SHMT1: variants seen among roughly 807,000 people sequenced by gnomAD.
The protein encoded by SHMT1 is serine hydroxymethyltransferase 1.
Under a neutral mutation model 49.0 loss-of-function variants are expected in SHMT1, and 45 were observed. The ratio of observed to expected loss-of-function variants is 0.92; its 90% CI spans 0.72 to 1.18. The LOEUF (loss-of-function observed/expected upper bound fraction) is 1.18, where lower values mean the gene tolerates loss of function less well. SHMT1 is among the 50% of genes most tolerant of loss of function. The probability of loss-of-function intolerance (pLI) is 0.00; values close to 1 mark genes in which losing one functional copy is unlikely to be tolerated. For missense variants in SHMT1, 541 were observed against 612.4 expected, an observed-to-expected ratio of 0.88 and a Z score of 1.23; for synonymous variants, 232 against 246.6, an observed-to-expected ratio of 0.94 and a Z score of 0.55.
chr17:18,342,659 G>A (rs1336143106), intron 5 of SHMT1, among the ~76,000 whole-genome samples: 1 of 152,060 alleles, frequency 6.6e-6, no homozygotes, highest in African/African-American at 2.4e-5. Flanking sequence ...CGAACTGCTG[G>A]GCGTGGTGGC....
intron 2 of SHMT1, among the ~76,000 whole-genome samples, chr17:18,354,256 T>TA (rs1366476712): frequency 6.6e-6 from 1 of 152,054 alleles, no homozygotes; most frequent in Non-Finnish European, 1.5e-5. Context: ...TCGTCTCTAC[T>TA]AAAAAATACA....
chr17:18,338,628 T>C (rs1210387446), intron 7 of SHMT1, among the ~76,000 whole-genome samples: 1 of 152,146 alleles, frequency 6.6e-6, no homozygotes, highest in Non-Finnish European at 1.5e-5. Context: ...AAGGGGGAAA[T>C]GTGGGGAAAA....
intron 8 of SHMT1, among the ~76,000 whole-genome samples, chr17:18,335,184 T>G (rs535466265): frequency 2.8e-4 from 42 of 152,300 alleles, no homozygotes; most frequent in Middle Eastern, 6.8e-3. Flanking sequence ...CACAGGGTCC[T>G]CCACTGCCAC....
rs771103019 is a variant in SHMT1 at position 18,353,801 on chromosome 17, T to C, written c.113A>G (p.Lys38Arg). ...AACCCTCTGCCGGTTACTCTCCTTC[T>C]TAATGATGTTGTAAACCTTATGAGA... ...DSDVEVYNII[K>R]KESNRQRVGL... is the part of the protein sequence containing the mutation. Residue 38 changes from lysine to arginine, a missense_variant, in exon 3 of 12, where the codon AAG (lysine) becomes AGG (arginine). Coordinates refer to ENST00000316694, the MANE Select transcript of SHMT1 (RefSeq NM_004169.5). The C allele has an allele frequency of 1.9e-6, 3 of 1,614,206 alleles. No individual in the cohort carries two copies. In the South Asian group the frequency reaches 3.3e-5, roughly 18 times the overall value.
chr17:18,355,899 T>A lies in SHMT1; in HGVS notation c.83A>T (p.Asp28Val), dbSNP rs1295312624. The change falls in exon 2 of 12, where the codon GAC (aspartate) becomes GTC (valine). Residue 28 changes from aspartate to valine, a missense_variant. Transcript: ENST00000316694. ...HDKMLAQPLKDSDVEVYNIIK... is the reference protein window; with the variant it reads ...HDKMLAQPLKVSDVEVYNIIK... ...CAAAAATCTCACCTCAACATCACTG[T>A]CTTTGAGGGGTTGTGCCAGCATCTT... 1 of 1,612,606 alleles carries A rather than the reference T, an allele frequency of 6.2e-7. No homozygotes were observed. Among genetic ancestry groups the A allele is most frequent in the South Asian group, 1.1e-5 (1 of 91,034 alleles).
intron 5 of SHMT1, chr17:18,341,194 A>G (rs1014893470): frequency 6.0e-5 from 16 of 268,452 alleles, no homozygotes; most frequent in Non-Finnish European, 1.0e-4. Flanking sequence ...ATGAGGCAAG[A>G]AAAAGAAACA....
At chr17:18,361,477 CA>C (rs568990517) in intron 1 of SHMT1, among the ~76,000 whole-genome samples, 16 of 135,964 alleles carry the variant, frequency 1.2e-4, no homozygotes, top group African/African-American at 8.2e-5. Flanking sequence ...GACTCCGTTT[CA>C]AAAAAAAAAA....
At chr17:18,350,031 A>C (rs1288932652) in intron 3 of SHMT1, among the ~76,000 whole-genome samples, 1 of 151,544 alleles carries the variant, frequency 6.6e-6, no homozygotes, top group Non-Finnish European at 1.5e-5. Context: ...AAAAAAATAA[A>C]AATAGATAAA....
In SHMT1 at chr17:18,335,628, G is replaced by A; in HGVS notation, c.862C>T (p.Leu288=). 6.2e-7 allele frequency: 1 copy of A among 1,614,118 alleles called. No homozygotes were observed. The highest frequency in any genetic ancestry group is 8.5e-7 in the Non-Finnish European group (1 of 1,180,004). ...ACAGCAGAATTGATAAGAGACTCCA[G>A]GTTGTACAGAATCTCTTTGCCAGTC... The part of the protein sequence containing the change: ...PKTGKEILYN[L]ESLINSAVFP... Residue 288 remains leucine, a synonymous_variant, in exon 8 of 12, where the codon CTG becomes TTG. Coordinates refer to ENST00000316694, the MANE Select transcript of SHMT1 (RefSeq NM_004169.5).
chr17:18,350,945 C>A (rs1311444353), intron 3 of SHMT1, among the ~76,000 whole-genome samples: 2 of 151,898 alleles, frequency 1.3e-5, no homozygotes, highest in African/African-American at 4.8e-5. Context: ...GTTGGCCAGG[C>A]TGGTCTCAAA....
rs1359327893 is a variant in SHMT1 at position 18,340,657 on chromosome 17, A to C, written c.601+75T>G. On this transcript the variant is annotated intron_variant, in intron 6 of 11. Coordinates refer to ENST00000316694, the MANE Select transcript of SHMT1 (RefSeq NM_004169.5). The surrounding 1 kb of genome is among the most constrained non-coding windows in gnomAD (Gnocchi z 4.5). ...TAGCAGTGGGCTCAACAGGGTGCGA[A>C]CATCTTTCCATCCTCATTCTGTAAG... 7.4e-7 allele frequency: 1 copy of C among 1,345,592 alleles called. No homozygotes were observed. The highest frequency in any genetic ancestry group is 1.2e-5 in the South Asian group (1 of 80,310). The allele number at this position is 1,345,592 out of a possible 1,614,324, so 83.4% of individuals were successfully genotyped here. A position where few individuals can be genotyped will look rare whatever the true frequency, so the allele number is the denominator to read the frequency against.
intron 7 of SHMT1, among the ~76,000 whole-genome samples, chr17:18,338,779 G>A (rs1305757123): frequency 6.6e-6 from 1 of 152,096 alleles, no homozygotes; most frequent in Non-Finnish European, 1.5e-5. Flanking sequence ...CATGTGCTGT[G>A]TCCACTCAGG....
intron 7 of SHMT1, among the ~76,000 whole-genome samples, chr17:18,338,035 C>A (rs1217502651): frequency 2.0e-5 from 3 of 151,266 alleles, no homozygotes; most frequent in Non-Finnish European, 4.4e-5. Flanking sequence ...GGCCGCTCAT[C>A]ATCTGGGATG....
intron 7 of SHMT1, among the ~76,000 whole-genome samples, chr17:18,338,548 G>T (rs148864440): frequency 6.6e-6 from 1 of 151,724 alleles, no homozygotes; most frequent in Admixed American, 6.6e-5. Context: ...CCGCCACCCC[G>T]TCTGGGAGGT....
chr17:18,333,173 T>C lies in SHMT1; in HGVS notation c.1047A>G (p.Ile349Met). The C allele has an allele frequency of 6.2e-7, 1 of 1,614,120 alleles. No homozygotes were observed. Among genetic ancestry groups the C allele is most frequent in the Non-Finnish European group, 8.5e-7 (1 of 1,179,974 alleles). Residue 349 changes from isoleucine (I) to methionine (M), a missense_variant, in exon 9 of 12, where the codon ATA becomes ATG. Transcript: ENST00000316694. ...SEALTELGYK[I>M]VTGGSDNHLI... ...CACCATCTGTGTCTCTACCTGTGAC[T>C]ATTTTGTAGCCCAGCTCCGTCAGGG...
intron 7 of SHMT1, among the ~76,000 whole-genome samples, chr17:18,336,772 C>T (rs1360814074): frequency 2.0e-5 from 3 of 152,042 alleles, no homozygotes; most frequent in Non-Finnish European, 2.9e-5. Context: ...AAGAGAGAAC[C>T]CATGTCCACA....
At chr17:18,336,918 C>G (rs560283617) in intron 7 of SHMT1, among the ~76,000 whole-genome samples, 1 of 152,232 alleles carries the variant, frequency 6.6e-6, no homozygotes, top group South Asian at 2.1e-4. Context: ...TGCACTGCAG[C>G]CTGAGTGACA....
intron 5 of SHMT1, among the ~76,000 whole-genome samples, chr17:18,344,991 C>T (rs1984933611): frequency 6.6e-6 from 1 of 152,176 alleles, no homozygotes; most frequent in Non-Finnish European, 1.5e-5. Context: ...ACTCTGCAGC[C>T]CGGTGGGGTG....
Position 18,328,728 on chromosome 17 carries a change from GGT to G in SHMT1, c.*20_*21del. On this transcript the variant is annotated 3_prime_UTR_variant, in exon 12 of 12. Coordinates refer to ENST00000316694, the MANE Select transcript of SHMT1 (RefSeq NM_004169.5). ...GCAGCTTCCTCTGTGGCGCCAGGTG[GGT>G]CCAGAGTGGGCCCGCTCCTTTAGAA... 1 of 1,552,082 alleles carries G rather than the reference GGT, an allele frequency of 6.4e-7. No homozygotes were observed. The highest frequency in any genetic ancestry group is 8.7e-7 in the Non-Finnish European group (1 of 1,148,400).
Sources: allele counts gnomAD v4.1 joint callset (sites outside exome capture counted in the v4.1 genomes callset), GRCh38; gene constraint gnomAD v4.1.1; non-coding constraint Gnocchi (gnomAD v3.1); transcripts MANE v1.5; gene names NCBI Gene and HGNC (gene_info 2026-07-23, HGNC 2026-07-21).